Variants in OR3A2 observed in about 807,000 individuals in gnomAD.
OR3A2 encodes olfactory receptor 3A2.
For synonymous variants in OR3A2, 126 were observed against 159.3 expected, an observed-to-expected ratio of 0.79 and a Z score of 1.57; for missense variants, 318 against 392.8, an observed-to-expected ratio of 0.81 and a Z score of 1.61.
intron 2 of OR3A2, among the ~76,000 whole-genome samples, chr17:3,348,236 G>A (rs896920989): frequency 2.6e-5 from 4 of 152,114 alleles, no homozygotes; most frequent in African/African-American, 9.7e-5. Context: ...CTGTGCAGAA[G>A]CTCTTTAGTT....
intron 2 of OR3A2, among the ~76,000 whole-genome samples, chr17:3,336,573 C>A (rs428617): frequency 0.039 from 5,969 of 152,166 alleles, 185 homozygotes; most frequent in Middle Eastern, 0.088. Flanking sequence ...TGGTAGCCAA[C>A]CAAGAGAGAT....
intron 3 of OR3A2, among the ~76,000 whole-genome samples, chr17:3,322,328 G>A (rs886136557): frequency 5.3e-5 from 8 of 151,896 alleles, no homozygotes; most frequent in African/African-American, 1.9e-4. Flanking sequence ...AACCACTCCT[G>A]GATTCATTAA....
At chr17:3,283,382 C>T (rs369282615) in intron 1 of OR3A2, among the ~76,000 whole-genome samples, 8 of 152,250 alleles carry the variant, frequency 5.3e-5, no homozygotes, top group East Asian at 1.9e-4. Flanking sequence ...TGCGCCACCA[C>T]GCCCAGCTAA....
intron 3 of OR3A2, among the ~76,000 whole-genome samples, chr17:3,329,135 G>A (rs1422733066): frequency 2.6e-5 from 4 of 151,788 alleles, no homozygotes; most frequent in African/African-American, 7.3e-5. Context: ...GAGGATTTTT[G>A]CATCAATGTT....
upstream of OR3A2, among the ~76,000 whole-genome samples, chr17:3,287,293 GT>G (rs1438585720): frequency 6.8e-6 from 1 of 146,724 alleles, no homozygotes; most frequent in Non-Finnish European, 1.5e-5. Flanking sequence ...AGGTCAGGGT[GT>G]TTAGGGTTCC....
chr17:3,356,709 T>A (rs563179433), intron 2 of OR3A2, among the ~76,000 whole-genome samples: 7 of 151,638 alleles, frequency 4.6e-5, no homozygotes, highest in African/African-American at 1.7e-4. Flanking sequence ...GGGAGGCAAA[T>A]ATTGAAACTG....
At chr17:3,312,884 A>G (rs1335751565) in intron 3 of OR3A2, among the ~76,000 whole-genome samples, 1 of 152,222 alleles carries the variant, frequency 6.6e-6, no homozygotes, top group African/African-American at 2.4e-5. Flanking sequence ...TCAGTCTCCC[A>G]AAGTGCTGAG....
intron 2 of OR3A2, among the ~76,000 whole-genome samples, chr17:3,358,857 C>G (rs1298427567): frequency 6.6e-6 from 1 of 151,634 alleles, no homozygotes; most frequent in African/African-American, 2.4e-5. Context: ...CCTTGATGAT[C>G]TGTCTAATAC....
intron 3 of OR3A2, among the ~76,000 whole-genome samples, chr17:3,334,203 C>T (rs2049261176): frequency 6.6e-6 from 1 of 152,126 alleles, no homozygotes; most frequent in South Asian, 2.1e-4. Context: ...ATGGCGATTC[C>T]TCAGAGATCT....
chr17:3,279,074 AC>A lies in OR3A2; in HGVS notation c.-6-152del. 2 of 1,352,292 alleles carry A rather than the reference AC, an allele frequency of 1.5e-6. No homozygotes were observed. Among genetic ancestry groups the A allele is most frequent in the Non-Finnish European group, 2.0e-6 (2 of 1,000,470 alleles). The allele number at this position is 1,352,292 out of a possible 1,614,324, so 83.8% of individuals were successfully genotyped here. A position where few individuals can be genotyped will look rare whatever the true frequency, so the allele number is the denominator to read the frequency against. ...CCTCCTCCATCACCTCAATGCCTTTACCTTGCTCTTGGTTGACATGCCCAAT... is the reference window on the plus strand; with the variant it reads ...CCTCCTCCATCACCTCAATGCCTTTACTTGCTCTTGGTTGACATGCCCAAT... On this transcript the variant is annotated intron_variant, in intron 1 of 1. Coordinates refer to ENST00000642052, the Ensembl canonical transcript of OR3A2.
intron 3 of OR3A2, chr17:3,290,973 T>C (rs1425009999): frequency 6.6e-6 from 1 of 152,178 alleles, no homozygotes; most frequent in Non-Finnish European, 1.5e-5. Context: ...ATAAGATATA[T>C]AATACATATT....
intron 3 of OR3A2, among the ~76,000 whole-genome samples, chr17:3,315,753 G>C (rs1049143727): frequency 1.8e-3 from 176 of 95,780 alleles, no homozygotes; most frequent in African/African-American, 5.3e-3. Flanking sequence ...TGAAAATATG[G>C]GGGGGGGGGC....
intron 3 of OR3A2, among the ~76,000 whole-genome samples, chr17:3,312,776 A>G (rs1176599772): frequency 1.3e-5 from 2 of 152,106 alleles, no homozygotes; most frequent in Admixed American, 1.3e-4. Context: ...GGTGCCTGCC[A>G]CCACGTCCGG....
rs548354233 is a variant in OR3A2 at position 3,326,229 on chromosome 17, T to C, written c.-85+9804A>G. ...GGTTGATTCCATGTCTTTGCTATTA[T>C]GAATAGTGCTGCAATGAACATATGT... On this transcript the variant is annotated intron_variant, in intron 3 of 4. Coordinates refer to the OR3A2 transcript ENST00000573491. 3.3e-5 allele frequency among the ~76,000 whole-genome samples: 5 copies of C among 152,240 alleles called. No individual in the cohort carries two copies. The South Asian group carries it at 6.2e-4, about 19-fold the overall frequency.
chr17:3,347,199 G>C (rs1366278090), intron 2 of OR3A2, among the ~76,000 whole-genome samples: 2 of 151,302 alleles, frequency 1.3e-5, no homozygotes, highest in African/African-American at 4.9e-5. Context: ...CAATGATGTT[G>C]AGTACCTTTT....
chr17:3,339,378 C>T (rs1230976222), intron 2 of OR3A2, among the ~76,000 whole-genome samples: 1 of 152,122 alleles, frequency 6.6e-6, no homozygotes, highest in African/African-American at 2.4e-5. Flanking sequence ...CAGTTTTTGC[C>T]CATTCAGAAT....
At position 3,311,062 on chromosome 17, in the gene OR3A2, T is replaced by TGGGCATCTTCTATGGGAC. The variant is rs761798060; in HGVS notation, c.-85+24953_-85+24970dup. On this transcript the variant is annotated intron_variant, in intron 3 of 4. Transcript: ENST00000573491. The surrounding 1 kb of genome is among the most constrained non-coding windows in gnomAD (Gnocchi z 4.6). ...ACGTGTAGTTCCCACCTCACTGTGG[T>TGGGCATCTTCTATGGGAC]GGGCATCTTCTATGGGACGGGCGTC... The TGGGCATCTTCTATGGGAC allele has an allele frequency of 5.3e-5, 29 of 545,958 alleles. No homozygotes were observed. Among genetic ancestry groups the TGGGCATCTTCTATGGGAC allele is most frequent in the Non-Finnish European group, 9.0e-5 (24 of 267,890 alleles). The allele number at this position is 545,958 out of a possible 1,614,324, so 33.8% of individuals were successfully genotyped here.
intron 3 of OR3A2, among the ~76,000 whole-genome samples, chr17:3,326,310 A>T (rs958651968): frequency 6.6e-6 from 1 of 152,066 alleles, no homozygotes; most frequent in Non-Finnish European, 1.5e-5. Flanking sequence ...ATACCCAGTA[A>T]TGGGATTGCT....
intron 2 of OR3A2, among the ~76,000 whole-genome samples, chr17:3,361,209 G>T (rs957949668): frequency 1.4e-5 from 2 of 140,676 alleles, no homozygotes; most frequent in African/African-American, 5.7e-5. Flanking sequence ...TCATGATTTG[G>T]CTGTTTGTCT....
Sources: allele counts gnomAD v4.1 joint callset (sites outside exome capture counted in the v4.1 genomes callset), GRCh38; gene constraint gnomAD v4.1.1; non-coding constraint Gnocchi (gnomAD v3.1); transcripts MANE v1.5; gene names NCBI Gene and HGNC (gene_info 2026-07-23, HGNC 2026-07-21).